The following SYNE1 variants were observed in gnomAD, a reference collection of about 807,000 sequenced individuals.
The protein encoded by SYNE1 is nesprin-1.
A neutral mutation model predicts 1,111.0 loss-of-function variants in SYNE1; 616 were observed. That is an observed-to-expected ratio of 0.55 (90% CI 0.52 to 0.59). The LOEUF is 0.59. SYNE1 is among the 20% of genes least tolerant of loss of function. The pLI is 0.00. For missense variants in SYNE1, 10,006 were observed against 10,417.0 expected (o/e 0.96, Z 1.72); for synonymous variants, 3,855 against 3,825.8 (o/e 1.01, Z -0.28).
chr6:152,448,667 C>G (rs1239124090), intron 28 of SYNE1, among the ~76,000 whole-genome samples: 1 of 152,096 alleles, frequency 6.6e-6, no homozygotes, highest in Non-Finnish European at 1.5e-5. Flanking sequence ...CATGGCAAAA[C>G]CCTACCTCTA....
intron 87 of SYNE1, chr6:152,316,048 A>T (rs1437304009): frequency 6.6e-6 from 1 of 152,272 alleles, no homozygotes; most frequent in South Asian, 2.1e-4. Context: ...TTATTATATG[A>T]TAACTAGCCT....
intron 3 of SYNE1, among the ~76,000 whole-genome samples, chr6:152,574,077 T>C (rs2099485721): frequency 6.6e-6 from 1 of 151,234 alleles, no homozygotes; most frequent in African/African-American, 2.5e-5. Flanking sequence ...GTAACTATGA[T>C]TTGAGCCTCA....
chr6:152,276,878 CTTTTTTTTTTTTTT>C (rs539497198), intron 98 of SYNE1, among the ~76,000 whole-genome samples: 7 of 102,162 alleles, frequency 6.9e-5, no homozygotes, highest in Admixed American at 1.1e-4. Flanking sequence ...ACTCTGCACT[CTTTTTTTTTTTTTT>C]TTTTTTTTTT....
chr6:152,331,063 C>T lies in SYNE1; in HGVS notation c.13622G>A (p.Ser4541Asn). The T allele has an allele frequency of 1.2e-6, 2 of 1,614,164 alleles. No individual in the cohort carries two copies. Among genetic ancestry groups the T allele is most frequent in the South Asian group, 2.2e-5 (2 of 91,082 alleles). The change falls in exon 78 of 146, where the codon AGT (serine) becomes AAT (asparagine). Residue 4541 changes from serine (S) to asparagine (N), a missense_variant. By Grantham distance (46) the Ser-to-Asn change is conservative. Around this residue, in one of 7 missense-constraint regions of SYNE1, gnomAD observed 4,955 missense variants for 5,017.2 expected, o/e 0.99. Coordinates refer to ENST00000367255, the MANE Select transcript of SYNE1 (RefSeq NM_182961.4). ...CTTTTGTAAAACACTGTCATAGACA[C>T]TCTGCAATTCCTGAAGCTTCCCCAG... The part of the protein sequence containing the change: ...EVLGKLQELQ[S>N]VYDSVLQKCS...
chr6:152,507,913 T>G (rs943246592), intron 8 of SYNE1, among the ~76,000 whole-genome samples: 3 of 152,214 alleles, frequency 2.0e-5, no homozygotes, highest in African/African-American at 7.2e-5. Context: ...ATTTCTCAAA[T>G]ATTTTTAAAC....
chr6:152,358,698 T>C (rs1292089995), intron 65 of SYNE1, among the ~76,000 whole-genome samples, 161 bp from the exon 66 acceptor site: 1 of 152,190 alleles, frequency 6.6e-6, no homozygotes, highest in Admixed American at 6.5e-5. Flanking sequence ...TATGTAAAAA[T>C]ATAAAAACCT....
chr6:152,198,545 C>A (rs1376413593), intron 127 of SYNE1, among the ~76,000 whole-genome samples: 1 of 152,202 alleles, frequency 6.6e-6, no homozygotes, highest in African/African-American at 2.4e-5. Flanking sequence ...CAGCTTTTGA[C>A]ATGTCTTCCT....
In SYNE1 at chr6:152,344,020, C is replaced by T. The variant is rs960064510; in HGVS notation, c.12225+61G>A. ...TTTGGCACATCATAGGTACTTCACACATTTTCACTGACGCTCTGAATGATT... is the reference window on the plus strand; with the variant it reads ...TTTGGCACATCATAGGTACTTCACATATTTTCACTGACGCTCTGAATGATT... On this transcript the variant is annotated intron_variant, in intron 74 of 145. Transcript: ENST00000367255. The T allele has an allele frequency of 5.6e-6, 9 of 1,609,788 alleles. No individual in the cohort carries two copies. The African/African-American group carries it at 1.1e-4, about 19-fold the overall frequency.
intron 58 of SYNE1, 126 bp from the exon 59 acceptor site, chr6:152,373,345 TCTC>T: frequency 1.2e-6 from 1 of 857,496 alleles, no homozygotes; most frequent in Non-Finnish European, 1.7e-6. Context: ...AGTAGTGCGA[TCTC>T]GGCTCACTGC....
In SYNE1 at chr6:152,442,103, C is replaced by T. The variant is rs758637873; in HGVS notation, c.3980G>A (p.Ser1327Asn). The part of the protein sequence containing the change: ...LESTLDGLER[S>N]RERQERRIQV... ...GATGCGGCGTTCCTGCCTCTCCCGG[C>T]TGCGCTCCAGGCCATCCAGTGTGCT... Residue 1327 changes from serine to asparagine, a missense_variant, in exon 31 of 146, where the codon AGC becomes AAC. Transcript: ENST00000367255. 2 of 1,614,118 alleles carry T rather than the reference C, an allele frequency of 1.2e-6. No homozygotes were observed. The highest frequency in any genetic ancestry group is 1.1e-5 in the South Asian group (1 of 91,082).
chr6:152,188,984 A>AATATATATATATATATAT (rs1190850842), intron 128 of SYNE1, among the ~76,000 whole-genome samples: 9 of 22,992 alleles, frequency 3.9e-4, no homozygotes, highest in African/African-American at 6.8e-4. Context: ...AAAAAAAAAA[A>AATATATATATATATATAT]ATATATATAT....
intron 140 of SYNE1, 111 bp from the exon 141 acceptor site, chr6:152,136,929 A>G (rs1321777021): frequency 8.3e-7 from 1 of 1,199,790 alleles, no homozygotes; most frequent in African/African-American, 1.5e-5. Context: ...TGGCCTTAAC[A>G]GGATGGCTAG....
rs1166201006 is a variant in SYNE1 at position 152,331,218 on chromosome 6, C to T, written c.13467G>A (p.Val4489=). ...REHICLLPDD[V]SKQVKTCKSA... ...TCTTACATGTTTTGACTTGTTTGCT[C>T]ACATCATCTGGTAACAGACAGATGT... is the stretch of plus-strand genomic sequence containing the variant. The change falls in exon 78 of 146, where the codon GTG becomes GTA. Residue 4489 remains valine, a synonymous_variant. Coordinates refer to ENST00000367255, the MANE Select transcript of SYNE1 (RefSeq NM_182961.4). The T allele has an allele frequency of 3.1e-6, 5 of 1,613,890 alleles. No homozygotes were observed. Among genetic ancestry groups the T allele is most frequent in the Non-Finnish European group, 4.2e-6 (5 of 1,180,056 alleles).
chr6:152,342,961 T>C (rs766781249), intron 74 of SYNE1, among the ~76,000 whole-genome samples: 7 of 152,158 alleles, frequency 4.6e-5, no homozygotes, highest in African/African-American at 9.7e-5. Flanking sequence ...ATAAATCACG[T>C]TTATCTGTAG....
intron 30 of SYNE1, among the ~76,000 whole-genome samples, chr6:152,444,072 C>T (rs900503143): frequency 3.3e-5 from 5 of 152,172 alleles, no homozygotes; most frequent in African/African-American, 7.2e-5. Flanking sequence ...GCAATTGGTC[C>T]ATCTATGCCT....
chr6:152,570,022 A>G (rs968347789), intron 3 of SYNE1, among the ~76,000 whole-genome samples: 1 of 152,202 alleles, frequency 6.6e-6, no homozygotes, highest in African/African-American at 2.4e-5. Context: ...TTTACAATTT[A>G]GTTTCTGAAA....
rs1186619712 is a variant in SYNE1 at position 152,334,196 on chromosome 6, C to A, written c.12606G>T (p.Lys4202Asn). ...IIEKVNKLTK[K>N]EESPEHKEIN... ...TTTCCTTGTGTTCAGGCGATTCCTC[C>A]TTCTTTGTTAACTTATTCACCTTTT... is the stretch of plus-strand genomic sequence containing the variant. Residue 4202 changes from lysine to asparagine, a missense_variant, in exon 77 of 146, where the codon AAG becomes AAT. Coordinates refer to ENST00000367255, the MANE Select transcript of SYNE1 (RefSeq NM_182961.4). 6.2e-7 allele frequency: 1 copy of A among 1,614,138 alleles called. No individual in the cohort carries two copies. The highest frequency in any genetic ancestry group is 2.2e-5 in the East Asian group (1 of 44,888).
rs191973433 is a variant in SYNE1, at chr6:152,265,517, T to G, written c.18815+2539A>C. 2.5e-3 allele frequency among the ~76,000 whole-genome samples: 384 copies of G among 151,776 alleles called. 1 individual carries two copies. Among genetic ancestry groups the G allele is most frequent in the Non-Finnish European group, 4.2e-3 (284 of 68,012 alleles). ...GAAGTTCCTATGAGGTTAAATTTCT[T>G]TATTGCTTTTTTCTTTTGTGGTAAT... is the stretch of plus-strand genomic sequence containing the variant. On this transcript the variant is annotated intron_variant, in intron 100 of 145. Coordinates refer to ENST00000367255, the MANE Select transcript of SYNE1 (RefSeq NM_182961.4).
intron 91 of SYNE1, 116 bp from the exon 92 acceptor site, chr6:152,302,179 G>T: frequency 7.1e-7 from 1 of 1,413,700 alleles, no homozygotes; most frequent in Non-Finnish European, 9.9e-7. Context: ...CGCGGGCCCG[G>T]GAGGCAGGAT....
Sources: allele counts gnomAD v4.1 joint callset (sites outside exome capture counted in the v4.1 genomes callset), GRCh38; gene constraint gnomAD v4.1.1; regional missense constraint gnomAD v4.1.1; transcripts MANE v1.5; gene names NCBI Gene and HGNC (gene_info 2026-07-23, HGNC 2026-07-21).